The following CLSTN2 variants were observed in gnomAD, a reference collection of about 807,000 sequenced individuals.
CLSTN2 encodes calsyntenin-2.
In CLSTN2, 48 loss-of-function variants were observed where a neutral mutation model predicts 101.2. That is an observed-to-expected ratio of 0.47 (90% confidence interval 0.38 to 0.60). CLSTN2 has a LOEUF of 0.60. Among genes scored for constraint, CLSTN2 ranks in the 20% least tolerant of loss-of-function variants. The probability of loss-of-function intolerance (pLI) is 0.00; values close to 1 mark genes in which losing one functional copy is unlikely to be tolerated. For missense variants in CLSTN2, 1,160 were observed against 1,238.2 expected, an observed-to-expected ratio of 0.94 and a Z score of 0.95; for synonymous variants, 481 against 463.6, an observed-to-expected ratio of 1.04 and a Z score of -0.48.
chr3:140,488,472 T>C (rs1252014551), intron 8 of CLSTN2, among the ~76,000 whole-genome samples: 2 of 152,012 alleles, frequency 1.3e-5, no homozygotes, highest in African/African-American at 4.8e-5. Flanking sequence ...GTAATGAATG[T>C]AAAGCAAAAT....
intron 10 of CLSTN2, among the ~76,000 whole-genome samples, chr3:140,552,184 A>C (rs1329294791): frequency 6.6e-6 from 1 of 152,086 alleles, no homozygotes; most frequent in Non-Finnish European, 1.5e-5. Flanking sequence ...AGAAGTCTCT[A>C]ATAAGAAGAC....
In CLSTN2 at chr3:140,470,076, G is replaced by A. The variant is rs1190479545; in HGVS notation, c.1344+3345G>A. Among the ~76,000 whole-genome samples the A allele has an allele frequency of 3.9e-5, 6 of 152,270 alleles. No individual in the cohort carries two copies. In the East Asian group the frequency reaches 1.2e-3, roughly 29 times the overall value. ...CAGAAAGGACTCAAGCCAGTCTAAT[G>A]TATTGTCTATATTTTAACTCCTGGC... On this transcript the variant is annotated intron_variant, in intron 8 of 16. Coordinates refer to ENST00000458420, the MANE Select transcript of CLSTN2 (RefSeq NM_022131.3).
At chr3:140,130,773 G>C (rs1320240787) in intron 1 of CLSTN2, among the ~76,000 whole-genome samples, 2 of 152,172 alleles carry the variant, frequency 1.3e-5, no homozygotes, top group African/African-American at 4.8e-5. Flanking sequence ...ATGTTTTCCT[G>C]TGTGTATATT....
chr3:140,105,967 G>C (rs1008590334), intron 1 of CLSTN2, among the ~76,000 whole-genome samples: 4 of 152,162 alleles, frequency 2.6e-5, no homozygotes, highest in Admixed American at 2.0e-4. Context: ...GTCTGCAGAG[G>C]CTGGCATGGT....
At chr3:140,121,318 T>C (rs1027197557) in intron 1 of CLSTN2, among the ~76,000 whole-genome samples, 29 of 152,094 alleles carry the variant, frequency 1.9e-4, no homozygotes, top group African/African-American at 6.8e-4. Context: ...GAAATGGGTA[T>C]TGTGTAGGGG....
At chr3:140,371,966 C>T (rs2087862152) in intron 2 of CLSTN2, among the ~76,000 whole-genome samples, 2 of 152,054 alleles carry the variant, frequency 1.3e-5, no homozygotes, top group African/African-American at 4.8e-5. Flanking sequence ...GTAACGACTG[C>T]GTGGCAACTG....
chr3:140,274,535 GAA>G (rs1003872999), intron 2 of CLSTN2, among the ~76,000 whole-genome samples: 1 of 152,214 alleles, frequency 6.6e-6, no homozygotes, highest in Non-Finnish European at 1.5e-5. Context: ...CACCTGCTCT[GAA>G]AATCCTGGAT....
At chr3:140,274,879 G>C (rs2086779789) in intron 2 of CLSTN2, among the ~76,000 whole-genome samples, 1 of 152,184 alleles carries the variant, frequency 6.6e-6, no homozygotes. Flanking sequence ...CTTTGCTTCT[G>C]TGCAACAGCC....
chr3:140,113,613 A>G (rs757388269), intron 1 of CLSTN2, among the ~76,000 whole-genome samples: 12 of 152,174 alleles, frequency 7.9e-5, no homozygotes, highest in African/African-American at 1.2e-4. Flanking sequence ...CAGTCACATA[A>G]TTCCATTTGT....
At chr3:140,075,715 T>C (rs1336408029) in intron 1 of CLSTN2, among the ~76,000 whole-genome samples, 1 of 152,160 alleles carries the variant, frequency 6.6e-6, no homozygotes, top group Non-Finnish European at 1.5e-5. Flanking sequence ...AGAAGGAACG[T>C]GGTCCAGTCA....
intron 2 of CLSTN2, among the ~76,000 whole-genome samples, chr3:140,306,547 CT>C (rs1000726855): frequency 7.9e-5 from 12 of 152,284 alleles, no homozygotes; most frequent in Middle Eastern, 6.8e-3. Flanking sequence ...ATCTGCAGGA[CT>C]TGAGAATTAG....
In CLSTN2 at chr3:140,563,980, A is replaced by G. The variant is rs1011525708; in HGVS notation, c.2502A>G (p.Thr834=). The G allele has an allele frequency of 4.3e-6, 7 of 1,613,950 alleles. No individual in the cohort carries two copies. Among genetic ancestry groups the G allele is most frequent in the Non-Finnish European group, 5.9e-6 (7 of 1,179,986 alleles). The part of the protein sequence containing the change: ...QHSSVVPSIA[T]VVIIISVCML... ...TTCCAGTGGTCCCAAGCATTGCCACAGTGGTCATCATCATCTCCGTGTGCA... is the reference window on the plus strand; with the variant it reads ...TTCCAGTGGTCCCAAGCATTGCCACGGTGGTCATCATCATCTCCGTGTGCA... The change falls in exon 16 of 17, where the codon ACA becomes ACG. Residue 834 remains threonine (T), a synonymous_variant. Transcript: ENST00000458420.
chr3:140,414,184 T>C (rs1358727487), intron 4 of CLSTN2, among the ~76,000 whole-genome samples: 1 of 152,008 alleles, frequency 6.6e-6, no homozygotes, highest in African/African-American at 2.4e-5. Flanking sequence ...AACTAATAAA[T>C]AAATTCAGTA....
At chr3:140,347,761 T>C (rs6414346) in intron 2 of CLSTN2, among the ~76,000 whole-genome samples, 57,784 of 152,122 alleles carry the variant, frequency 0.38, 12,120 homozygotes, top group Non-Finnish European at 0.49. Flanking sequence ...CAGTACCCTA[T>C]CCTAATTTGC....
intron 1 of CLSTN2, among the ~76,000 whole-genome samples, chr3:140,022,455 G>A (rs1354810867): frequency 6.6e-6 from 1 of 152,224 alleles, no homozygotes; most frequent in African/African-American, 2.4e-5. Flanking sequence ...GCCCAGGAGA[G>A]GGGTCCACTG....
At chr3:140,561,832 C>T (rs1286461939) in intron 12 of CLSTN2, among the ~76,000 whole-genome samples, 1 of 152,146 alleles carries the variant, frequency 6.6e-6, no homozygotes, top group Non-Finnish European at 1.5e-5. Flanking sequence ...GATGAGGAAA[C>T]TGAGTGGTAG....
intron 2 of CLSTN2, among the ~76,000 whole-genome samples, chr3:140,217,986 A>G (rs956639373): frequency 3.9e-5 from 6 of 152,206 alleles, no homozygotes; most frequent in African/African-American, 9.7e-5. Flanking sequence ...TGATGACTCA[A>G]TATACATGAA....
intron 12 of CLSTN2, among the ~76,000 whole-genome samples, chr3:140,561,162 T>C (rs955440653): frequency 1.3e-5 from 2 of 152,066 alleles, no homozygotes; most frequent in African/African-American, 2.4e-5. Context: ...TAAATAAATA[T>C]ACTTATTTAA....
At chr3:140,000,320 G>A (rs932691772) in intron 1 of CLSTN2, among the ~76,000 whole-genome samples, 3 of 152,154 alleles carry the variant, frequency 2.0e-5, no homozygotes, top group Non-Finnish European at 4.4e-5. Flanking sequence ...TATTTAGTTA[G>A]CACTTATTAA....
Sources: gnomAD v4.1 joint callset for allele counts (sites outside exome capture counted in the v4.1 genomes callset) on GRCh38, gnomAD v4.1.1 for gene constraint, MANE v1.5 for transcripts, NCBI Gene and HGNC (gene_info 2026-07-23, HGNC 2026-07-21) for gene names.